DLGAP4: variants seen among roughly 807,000 people sequenced by gnomAD.
DLGAP4 encodes the protein DLG associated protein 4.
DLGAP4 carries 18 observed loss-of-function variants against 86.9 expected under a neutral mutation model. That is an observed-to-expected ratio of 0.21 (90% confidence interval 0.14 to 0.31). DLGAP4 has a LOEUF of 0.31. Ranked by LOEUF, DLGAP4 falls within the 10% of genes least tolerant of loss-of-function variation. The probability of loss-of-function intolerance (pLI) is 1.00; values close to 1 mark genes in which losing one functional copy is unlikely to be tolerated. For synonymous variants in DLGAP4, 548 were observed against 574.3 expected, an observed-to-expected ratio of 0.95 and a Z score of 0.65; for missense variants, 1,085 against 1,362.6, an observed-to-expected ratio of 0.80 and a Z score of 3.21.
chr20:36,371,104 C>T (rs1231014177), intron 2 of DLGAP4, among the ~76,000 whole-genome samples: 3 of 152,190 alleles, frequency 2.0e-5, no homozygotes, highest in Non-Finnish European at 4.4e-5. Context: ...GTATCCTGTG[C>T]GTGCAGAAAG....
chr20:36,470,980 C>T (rs1487037262), intron 7 of DLGAP4, among the ~76,000 whole-genome samples: 1 of 152,174 alleles, frequency 6.6e-6, no homozygotes, highest in South Asian at 2.1e-4. Flanking sequence ...GTGTAGCTGT[C>T]GGAGCCATTT....
intron 2 of DLGAP4, among the ~76,000 whole-genome samples, chr20:36,374,545 TG>T (rs941318227): frequency 1.3e-5 from 2 of 152,126 alleles, no homozygotes; most frequent in African/African-American, 2.4e-5. Context: ...GGGGAGCCTT[TG>T]GGGGATATTG....
intron 7 of DLGAP4, among the ~76,000 whole-genome samples, chr20:36,471,495 A>AAAAT (rs552350361): frequency 7.8e-4 from 118 of 152,102 alleles, no homozygotes; most frequent in African/African-American, 1.4e-3. Context: ...CTCCATCTCA[A>AAAAT]AAATAAATAA....
intron 2 of DLGAP4, among the ~76,000 whole-genome samples, chr20:36,367,595 G>A (rs570529071): frequency 1.3e-5 from 2 of 152,284 alleles, no homozygotes; most frequent in South Asian, 4.1e-4. Flanking sequence ...CCAAGCAGGC[G>A]GGGACAGGTT....
chr20:36,462,547 C>T, intron 7 of DLGAP4: 1 of 1,601,858 alleles, frequency 6.2e-7, no homozygotes, highest in Non-Finnish European at 8.5e-7. Flanking sequence ...GTCTCTGGGT[C>T]TCTGACCCCC....
chr20:36,418,107 G>A (rs889208173), intron 2 of DLGAP4, among the ~76,000 whole-genome samples: 17 of 149,006 alleles, frequency 1.1e-4, no homozygotes, highest in Non-Finnish European at 2.2e-4. Context: ...GTGTGTGTGC[G>A]CGCATATGTG....
intron 1 of DLGAP4, among the ~76,000 whole-genome samples, chr20:36,345,778 G>A (rs2029917809): frequency 2.0e-5 from 3 of 151,566 alleles, no homozygotes. Context: ...TTTTTTCTGA[G>A]ACAGAGTATT....
At chr20:36,443,402 T>C (rs1430064339) in intron 6 of DLGAP4, among the ~76,000 whole-genome samples, 1 of 152,106 alleles carries the variant, frequency 6.6e-6, no homozygotes, top group South Asian at 2.1e-4. Flanking sequence ...AAAGGTACTC[T>C]GAGATCAACC....
At chr20:36,448,345 G>A (rs1219188904) in intron 7 of DLGAP4, among the ~76,000 whole-genome samples, 1 of 152,180 alleles carries the variant, frequency 6.6e-6, no homozygotes, top group East Asian at 1.9e-4. Flanking sequence ...CCAAGACCTT[G>A]TCTCAAAATA....
At position 36,308,324 on chromosome 20, in the gene DLGAP4, C is replaced by T. The variant is rs1250624888; in HGVS notation, c.-304+1812C>T. On this transcript the variant is annotated intron_variant, in intron 1 of 12. Transcript: ENST00000339266. This position sits in a 1 kb window ranked among gnomAD's most constrained non-coding sequence, Gnocchi z 4.5. Reference sequence around the variant, plus strand: ...GTGCAATGGCTGACAGGGTCCCCACCTCCAGGAGCCTCTTTTTTGTTGGGG... The same window carrying T: ...GTGCAATGGCTGACAGGGTCCCCACTTCCAGGAGCCTCTTTTTTGTTGGGG... 1.3e-5 allele frequency among the ~76,000 whole-genome samples: 2 copies of T among 152,200 alleles called. No individual in the cohort carries two copies. Among genetic ancestry groups the T allele is most frequent in the Non-Finnish European group, 2.9e-5 (2 of 68,036 alleles).
At chr20:36,495,102 C>T (rs1190909883) in intron 7 of DLGAP4, among the ~76,000 whole-genome samples, 2 of 142,988 alleles carry the variant, frequency 1.4e-5, no homozygotes, top group Non-Finnish European at 1.5e-5. Context: ...AAGCAATTCT[C>T]CTGCCTCAGC....
At chr20:36,396,514 CACAT>C (rs746092001) in intron 2 of DLGAP4, among the ~76,000 whole-genome samples, 2,041 of 102,458 alleles carry the variant, frequency 0.02, 18 homozygotes, top group Non-Finnish European at 0.029. Context: ...ACACACACAC[CACAT>C]ACATACACGT....
At chr20:36,318,176 CTT>C (rs2065129886) in intron 1 of DLGAP4, among the ~76,000 whole-genome samples, 1 of 149,022 alleles carries the variant, frequency 6.7e-6, no homozygotes, top group East Asian at 2.0e-4. Context: ...CCAGGAGTGA[CTT>C]TGAGGGCATC....
intron 2 of DLGAP4, among the ~76,000 whole-genome samples, chr20:36,414,912 A>T (rs1256187866): frequency 6.6e-6 from 1 of 152,178 alleles, no homozygotes; most frequent in African/African-American, 2.4e-5. Flanking sequence ...GCAAGGAGGG[A>T]TGAGGGCCAT....
chr20:36,358,544 C>T (rs149858971), intron 1 of DLGAP4, among the ~76,000 whole-genome samples: 3 of 152,322 alleles, frequency 2.0e-5, no homozygotes, highest in African/African-American at 7.2e-5. Context: ...CAGTGGCTCA[C>T]GCCTATAATC....
chr20:36,341,840 T>C (rs1210893994), intron 1 of DLGAP4, among the ~76,000 whole-genome samples: 2 of 152,206 alleles, frequency 1.3e-5, no homozygotes, highest in African/African-American at 4.8e-5. Flanking sequence ...AGCATTTTCC[T>C]AATGCTGCTG....
intron 1 of DLGAP4, among the ~76,000 whole-genome samples, chr20:36,310,081 C>T (rs1310343313): frequency 6.6e-6 from 1 of 151,860 alleles, no homozygotes; most frequent in Non-Finnish European, 1.5e-5. Flanking sequence ...TGCTTGTAAT[C>T]CCAGCACTTT....
At chr20:36,376,295 C>T (rs1478018157) in intron 2 of DLGAP4, among the ~76,000 whole-genome samples, 2 of 152,000 alleles carry the variant, frequency 1.3e-5, no homozygotes, top group African/African-American at 4.8e-5. Flanking sequence ...CACGGCGAAA[C>T]CCCATTTCTA....
intron 1 of DLGAP4, among the ~76,000 whole-genome samples, chr20:36,344,381 G>A (rs766403476): frequency 5.3e-5 from 8 of 152,158 alleles, no homozygotes; most frequent in African/African-American, 9.7e-5. Flanking sequence ...TCAGCCTCCC[G>A]AAATAATAAC....
Sources: allele counts gnomAD v4.1 joint callset (sites outside exome capture counted in the v4.1 genomes callset), GRCh38; gene constraint gnomAD v4.1.1; non-coding constraint Gnocchi (gnomAD v3.1); transcripts MANE v1.5; gene names NCBI Gene and HGNC (gene_info 2026-07-23, HGNC 2026-07-21).